The following CHRNA6 variants were observed in gnomAD, a reference collection of about 807,000 sequenced individuals.
CHRNA6 encodes the protein neuronal acetylcholine receptor subunit alpha-6.
In CHRNA6, 31 loss-of-function variants were observed where a neutral mutation model predicts 40.9. The observed-to-expected ratio is 0.76, with a 90% confidence interval of 0.57 to 1.02. CHRNA6 has a LOEUF of 1.02. Ranked by LOEUF, CHRNA6 falls within the 50% of genes least tolerant of loss-of-function variation. The pLI, the probability that CHRNA6 is intolerant of heterozygous loss-of-function variation, is 0.00. For synonymous variants in CHRNA6, 222 were observed against 221.3 expected (o/e 1.00, Z -0.03); for missense variants, 546 against 596.6 (o/e 0.92, Z 0.88).
intron 3 of CHRNA6, 58 bp downstream of exon 3, chr8:42,759,011 T>C (rs1255266487): frequency 1.2e-5 from 15 of 1,261,232 alleles, no homozygotes; most frequent in Non-Finnish European, 1.5e-5. Flanking sequence ...AACAAGGTAG[T>C]GCTTGTGGGT....
intron 1 of CHRNA6, among the ~76,000 whole-genome samples, chr8:42,767,701 A>C (rs1356183980): frequency 6.6e-6 from 1 of 152,216 alleles, no homozygotes. Flanking sequence ...CATGATGAAC[A>C]TATTTCTCCA....
chr8:42,757,610 G>A (rs1430624612), intron 3 of CHRNA6, among the ~76,000 whole-genome samples: 4 of 149,996 alleles, frequency 2.7e-5, no homozygotes, highest in Non-Finnish European at 4.4e-5. Flanking sequence ...GTGGTTGCCT[G>A]TAGTCCCAGC....
At chr8:42,753,408 T>C (rs1816750735) in intron 5 of CHRNA6, 98 bp from the exon 6 acceptor site, 1 of 1,182,696 alleles carries the variant, frequency 8.5e-7, no homozygotes, top group Non-Finnish European at 1.2e-6. Flanking sequence ...TTGAAGAAGA[T>C]TTCTCCGGCA....
chr8:42,756,471 T>C lies in CHRNA6; in HGVS notation c.728A>G (p.Tyr243Cys), dbSNP rs199671238. Reference sequence around the variant, plus strand: ...ACAAGGGATGATCAGATTAATCGTGTAAAACATCGGCAATCTTCTAATGTA... The same window carrying C: ...ACAAGGGATGATCAGATTAATCGTGCAAAACATCGGCAATCTTCTAATGTA... ...SFYIRRLPMF[Y>C]TINLIIPCLF... The change falls in exon 5 of 6, where the codon TAC becomes TGC. Residue 243 changes from tyrosine (Y) to cysteine (C), a missense_variant. This residue lies in a region of CHRNA6 where 476 missense variants were observed against 494.5 expected (regional missense o/e 0.96). Transcript: ENST00000276410. 30 of 1,614,204 alleles carry C rather than the reference T, an allele frequency of 1.9e-5. No individual in the cohort carries two copies. Among genetic ancestry groups the C allele is most frequent in the Non-Finnish European group, 2.5e-5 (30 of 1,180,008 alleles).
chr8:42,766,521 A>AGAAAGAAAGAGAGAGAGAGAGAGAG (rs1563627476), intron 1 of CHRNA6, among the ~76,000 whole-genome samples: 1 of 151,828 alleles, frequency 6.6e-6, no homozygotes, highest in African/African-American at 2.4e-5. Flanking sequence ...AAAGAAAGAA[A>AGAAAGAAAGAGAGAGAGAGAGAGAG]ATGTGGTATA....
rs1816740921 is a variant in CHRNA6, at chr8:42,752,857, A to G, written c.*322T>C. The stretch of plus-strand genomic sequence containing the variant: ...AACTTTTTAGTGTGGCTTGATGTTA[A>G]TTACATAATTAGGCTGTATTGTAAG... On this transcript the variant is annotated 3_prime_UTR_variant, in exon 6 of 6. Coordinates refer to ENST00000276410, the MANE Select transcript of CHRNA6 (RefSeq NM_004198.3). 1 of 204,162 alleles carries G rather than the reference A, an allele frequency of 4.9e-6. No homozygotes were observed. The highest frequency in any genetic ancestry group is 9.7e-6 in the Non-Finnish European group (1 of 102,772). The allele number at this position is 204,162 out of a possible 1,614,324, so 12.6% of individuals were successfully genotyped here.
At position 42,755,977 on chromosome 8, in the gene CHRNA6, T is replaced by C. The variant is rs144179003; in HGVS notation, c.1222A>G (p.Lys408Glu). The change falls in exon 5 of 6, where the codon AAG becomes GAG. Residue 408 changes from lysine to glutamate, a missense_variant. Lys to Glu is a moderately conservative substitution (Grantham distance 56). Transcript: ENST00000276410. ...AATGGCTGATGACTTAATCTTCTCT[T>C]GCTTGTGGCAAGCTCATTTGATTTG... ...CHKSNELATS[K>E]RRLSHQPLQW... 223 of 1,614,148 alleles carry C rather than the reference T, an allele frequency of 1.4e-4. No individual in the cohort carries two copies. The highest frequency in any genetic ancestry group is 3.3e-4 in the South Asian group (30 of 91,090).
chr8:42,764,140 A>G (rs1311905432), intron 2 of CHRNA6, among the ~76,000 whole-genome samples: 1 of 152,094 alleles, frequency 6.6e-6, no homozygotes, highest in African/African-American at 2.4e-5. Context: ...TGCTGTACCC[A>G]AGAGTACGGG....
chr8:42,759,522 C>T (rs183667648), intron 2 of CHRNA6: 20 of 167,124 alleles, frequency 1.2e-4, no homozygotes, highest in South Asian at 1.6e-4. Context: ...GTTCCCTAAA[C>T]GCCTCCCATC....
In CHRNA6 at chr8:42,757,048, T is replaced by C. The variant is rs1209518330; in HGVS notation, c.265-11A>G. On this transcript the variant is annotated splice_polypyrimidine_tract_variant and intron_variant, in intron 3 of 5. Transcript: ENST00000276410. ...ATAATCATTCCAGATCTAAAATAAA[T>C]AGAAATCAGCTTTTAAAATTTCTTA... The C allele has an allele frequency of 3.2e-6, 5 of 1,584,686 alleles. No homozygotes were observed. The highest frequency in any genetic ancestry group is 4.3e-6 in the Non-Finnish European group (5 of 1,153,798).
chr8:42,758,517 G>A (rs1816845757), intron 3 of CHRNA6, among the ~76,000 whole-genome samples: 2 of 151,988 alleles, frequency 1.3e-5, no homozygotes, highest in South Asian at 2.1e-4. Context: ...CCACCACCAC[G>A]CCGGGCTAAT....
chr8:42,768,638 A>G lies in CHRNA6; in HGVS notation c.-208T>C. 1 of 484,410 alleles carries G rather than the reference A, an allele frequency of 2.1e-6. No individual in the cohort carries two copies. The highest frequency in any genetic ancestry group is 3.1e-5 in the East Asian group (1 of 32,710). 30.0% of individuals were successfully genotyped at this position (484,410 alleles called of 1,614,324 possible). A position where few individuals can be genotyped will look rare whatever the true frequency, so the allele number is the denominator to read the frequency against. On this transcript the variant is annotated 5_prime_UTR_variant, in exon 1 of 6. Coordinates refer to ENST00000276410, the MANE Select transcript of CHRNA6 (RefSeq NM_004198.3). ...GGCAGACATGAAGGGCGAATAAAAA[A>G]GATTCGATCTGATGTCAGATGAGTC...
At chr8:42,768,052 A>C (rs924225659) in intron 1 of CHRNA6, among the ~76,000 whole-genome samples, 1 of 152,196 alleles carries the variant, frequency 6.6e-6, no homozygotes, top group African/African-American at 2.4e-5. Context: ...CAAATAAATA[A>C]GCTCAATACA....
chr8:42,763,049 C>A (rs1346468507), intron 2 of CHRNA6, among the ~76,000 whole-genome samples: 2 of 152,182 alleles, frequency 1.3e-5, no homozygotes, highest in African/African-American at 4.8e-5. Context: ...TCACAGAAGT[C>A]TAGGATGTAC....
intron 1 of CHRNA6, among the ~76,000 whole-genome samples, chr8:42,767,683 T>C (rs1816993623): frequency 6.6e-6 from 1 of 152,230 alleles, no homozygotes; most frequent in South Asian, 2.1e-4. Flanking sequence ...CTTGCCATCA[T>C]AATTAATCAT....
intron 2 of CHRNA6, among the ~76,000 whole-genome samples, chr8:42,761,317 G>T (rs866606616): frequency 1.3e-5 from 2 of 152,254 alleles, no homozygotes; most frequent in African/African-American, 4.8e-5. Context: ...CAAGCCTGCG[G>T]TCATGCCTTC....
chr8:42,768,140 C>T (rs1816997829), intron 1 of CHRNA6, among the ~76,000 whole-genome samples: 2 of 152,134 alleles, frequency 1.3e-5, no homozygotes, highest in South Asian at 4.1e-4. Flanking sequence ...GTTTCCTGGT[C>T]CTCTCCTCCC....
Position 42,765,064 on chromosome 8 carries a change from C to A in CHRNA6, c.219+1G>T. ...GAAAGCTCTGATCAGAGGGCACTCA[C>A]CACGTTGGCCAGCTGGGTGATGGCC... On this transcript the variant is annotated splice_donor_variant, in intron 2 of 5. Coordinates refer to ENST00000276410, the MANE Select transcript of CHRNA6 (RefSeq NM_004198.3). LOFTEE classifies it high-confidence loss of function. The A allele has an allele frequency of 6.2e-7, 1 of 1,614,030 alleles. No homozygotes were observed. The highest frequency in any genetic ancestry group is 1.7e-5 in the Admixed American group (1 of 60,016).
At chr8:42,768,304 A>G in intron 1 of CHRNA6, 48 bp downstream of exon 1, 1 of 1,436,548 alleles carries the variant, frequency 7.0e-7, no homozygotes, top group Non-Finnish European at 9.8e-7. Context: ...GAGAGTAAAC[A>G]CATGTAGCTA....
Sources: gnomAD v4.1 joint callset for allele counts (sites outside exome capture counted in the v4.1 genomes callset) on GRCh38, gnomAD v4.1.1 for gene constraint, gnomAD v4.1.1 regional missense constraint, MANE v1.5 for transcripts, NCBI Gene and HGNC (gene_info 2026-07-23, HGNC 2026-07-21) for gene names.